Variants in ROBO2 observed in about 807,000 individuals in gnomAD.
ROBO2 encodes the protein roundabout homolog 2.
A neutral mutation model predicts 160.8 loss-of-function variants in ROBO2; 53 were observed. The ratio of observed to expected loss-of-function variants is 0.33; its 90% CI spans 0.26 to 0.41. The LOEUF is 0.41. Ranked by LOEUF, ROBO2 falls within the 10% of genes least tolerant of loss-of-function variation. The pLI, the probability that ROBO2 is intolerant of heterozygous loss-of-function variation, is 1.00. For missense variants in ROBO2, 1,577 were observed against 1,722.4 expected (o/e 0.92, Z 1.49); for synonymous variants, 664 against 611.7 (o/e 1.09, Z -1.26).
chr3:76,611,142 A>G (rs2088085302), intron 2 of ROBO2, among the ~76,000 whole-genome samples: 2 of 152,114 alleles, frequency 1.3e-5, no homozygotes, highest in South Asian at 4.1e-4. Context: ...CGAGAGAGAG[A>G]GGGTAGGACG....
intron 2 of ROBO2, among the ~76,000 whole-genome samples, chr3:76,499,823 A>C (rs2080362420): frequency 6.6e-6 from 1 of 152,188 alleles, no homozygotes; most frequent in Non-Finnish European, 1.5e-5. Context: ...TCTACAATGG[A>C]GACAATTTTA....
At chr3:77,132,938 G>A (rs72891536) in intron 2 of ROBO2, among the ~76,000 whole-genome samples, 6,457 of 152,216 alleles carry the variant, frequency 0.042, 464 homozygotes, top group African/African-American at 0.14. Flanking sequence ...AGAGAGAGAT[G>A]AGTGGAGAGG....
chr3:76,165,494 A>G (rs1423863451), intron 2 of ROBO2, among the ~76,000 whole-genome samples: 1 of 152,182 alleles, frequency 6.6e-6, no homozygotes, highest in East Asian at 1.9e-4. Context: ...CATATTAGCA[A>G]TAAGACTGCT....
At chr3:77,584,515 C>A (rs996257430) in intron 16 of ROBO2, among the ~76,000 whole-genome samples, 2 of 152,038 alleles carry the variant, frequency 1.3e-5, no homozygotes, top group African/African-American at 4.8e-5. Context: ...AAGCTGACTG[C>A]CAGCTTCTAG....
chr3:77,353,314 A>T (rs1366601625), intron 2 of ROBO2, among the ~76,000 whole-genome samples: 3 of 152,214 alleles, frequency 2.0e-5, no homozygotes, highest in African/African-American at 7.2e-5. Flanking sequence ...ACTTCTAAAA[A>T]GGTGAATTAT....
intron 2 of ROBO2, among the ~76,000 whole-genome samples, chr3:76,675,301 G>A (rs1481902072): frequency 6.6e-6 from 1 of 152,126 alleles, no homozygotes; most frequent in Admixed American, 6.6e-5. Flanking sequence ...TCTAAAGCAA[G>A]CTATATCCTT....
intron 2 of ROBO2, among the ~76,000 whole-genome samples, chr3:76,114,057 T>G (rs1418116802): frequency 6.6e-6 from 1 of 152,194 alleles, no homozygotes; most frequent in African/African-American, 2.4e-5. Context: ...TGAAGAACCA[T>G]GAACAAAATA....
At chr3:77,163,757 A>G in intron 2 of ROBO2, among the ~76,000 whole-genome samples, 1 of 152,216 alleles carries the variant, frequency 6.6e-6, no homozygotes, top group East Asian at 1.9e-4. Context: ...GCTCAAGAAA[A>G]GTGCACTGAA....
At chr3:76,076,883 C>T (rs1001883260) in intron 2 of ROBO2, among the ~76,000 whole-genome samples, 2 of 152,172 alleles carry the variant, frequency 1.3e-5, no homozygotes, top group Non-Finnish European at 2.9e-5. Context: ...GTTGTACTGT[C>T]GAACTAGCCC....
At chr3:77,221,506 C>G (rs2085788238) in intron 2 of ROBO2, among the ~76,000 whole-genome samples, 1 of 152,174 alleles carries the variant, frequency 6.6e-6, no homozygotes, top group Non-Finnish European at 1.5e-5. Flanking sequence ...TATCTCATAT[C>G]TACACCTCCC....
rs138996245 is a variant in ROBO2 at position 76,979,744 on chromosome 3, TACACAC to T, written c.110-118249_110-118244del. 8.1e-3 allele frequency among the ~76,000 whole-genome samples: 1,194 copies of T among 147,546 alleles called. 15 individuals carry two copies. The highest frequency in any genetic ancestry group is 0.028 in the African/African-American group (1,112 of 40,304). ...AGTAACATCTTCCAATTACTTTTCT[TACACAC>T]ACACACACACACACACACACTTACT... is the stretch of plus-strand genomic sequence containing the variant. On this transcript the variant is annotated intron_variant, in intron 2 of 26. Coordinates refer to the ROBO2 transcript ENST00000487694.
intron 13 of ROBO2, among the ~76,000 whole-genome samples, chr3:77,573,717 T>C (rs1583032908): frequency 6.6e-6 from 1 of 152,180 alleles, no homozygotes; most frequent in East Asian, 1.9e-4. Context: ...TAAATCCTGC[T>C]CTTCTTGCCT....
intron 24 of ROBO2, 74 bp downstream of exon 26, chr3:77,643,017 A>T (rs1397590483): frequency 4.8e-5 from 21 of 434,550 alleles, no homozygotes; most frequent in East Asian, 7.1e-5. Flanking sequence ...TAGAAATGGC[A>T]GTTGTTTAAG....
intron 2 of ROBO2, among the ~76,000 whole-genome samples, chr3:76,558,526 A>G (rs1225377569): frequency 4.6e-5 from 7 of 152,122 alleles, no homozygotes; most frequent in Admixed American, 1.3e-4. Context: ...TCTCACAAGT[A>G]CATGGGCCTT....
intron 2 of ROBO2, among the ~76,000 whole-genome samples, chr3:76,750,685 C>G (rs1173160822): frequency 6.6e-6 from 1 of 152,036 alleles, no homozygotes; most frequent in Admixed American, 6.6e-5. Context: ...TGAGTGAACT[C>G]CCATTCACAA....
At chr3:76,083,065 A>T (rs1249145485) in intron 2 of ROBO2, among the ~76,000 whole-genome samples, 2 of 152,108 alleles carry the variant, frequency 1.3e-5, no homozygotes, top group African/African-American at 4.8e-5. Context: ...AGGATGAATT[A>T]TGATGACATT....
chr3:76,140,457 T>G (rs940790039), intron 2 of ROBO2, among the ~76,000 whole-genome samples: 2 of 152,022 alleles, frequency 1.3e-5, no homozygotes, highest in African/African-American at 2.4e-5. Flanking sequence ...TGTTATTATC[T>G]TCATTGTACT....
chr3:77,006,803 T>TA (rs1331666502), intron 2 of ROBO2, among the ~76,000 whole-genome samples: 5 of 151,884 alleles, frequency 3.3e-5, no homozygotes, highest in Non-Finnish European at 5.9e-5. Context: ...GCATAAGTGA[T>TA]AAAAAATAGG....
At chr3:76,831,202 T>C (rs2067064436) in intron 2 of ROBO2, among the ~76,000 whole-genome samples, 1 of 152,150 alleles carries the variant, frequency 6.6e-6, no homozygotes, top group Non-Finnish European at 1.5e-5. Context: ...GAGTCAAAAA[T>C]ATCCTGATGG....
Sources: allele counts gnomAD v4.1 joint callset (sites outside exome capture counted in the v4.1 genomes callset), GRCh38; gene constraint gnomAD v4.1.1; transcripts MANE v1.5; gene names NCBI Gene and HGNC (gene_info 2026-07-23, HGNC 2026-07-21).